The following PKIB variants were observed in gnomAD, a reference collection of about 807,000 sequenced individuals.
The protein encoded by PKIB is PKI-beta.
A neutral mutation model predicts 4.5 loss-of-function variants in PKIB; 2 were observed. The ratio of observed to expected loss-of-function variants is 0.44; its 90% confidence interval spans 0.18 to 1.39. The LOEUF (loss-of-function observed/expected upper bound fraction) is 1.39, where lower values mean the gene tolerates loss of function less well. Among genes scored for constraint, PKIB ranks in the 40% most tolerant of loss-of-function variants. PKIB has a pLI of 0.27. For synonymous variants in PKIB, 38 were observed against 36.0 expected, an observed-to-expected ratio of 1.06 and a Z score of -0.20; for missense variants, 94 against 92.6, an observed-to-expected ratio of 1.02 and a Z score of -0.06.
intron 2 of PKIB, chr6:122,481,295 G>T (rs1403241422): frequency 6.6e-6 from 1 of 152,108 alleles, no homozygotes. Context: ...CAACATAAAT[G>T]GCCTGTACTT....
intron 2 of PKIB, among the ~76,000 whole-genome samples, chr6:122,526,296 G>A (rs1025828807): frequency 4.6e-5 from 7 of 151,984 alleles, no homozygotes; most frequent in East Asian, 3.9e-4. Flanking sequence ...AACTCTTCCC[G>A]TGAATTACAA....
At chr6:122,576,668 C>CAA (rs71867898) in intron 2 of PKIB, among the ~76,000 whole-genome samples, 460 of 11,998 alleles carry the variant, frequency 0.038, 28 homozygotes, top group Non-Finnish European at 0.04. Context: ...GACTCCATCT[C>CAA]AAAAAAAAAA....
At chr6:122,556,458 T>C (rs76173054) in intron 2 of PKIB, among the ~76,000 whole-genome samples, 2,135 of 152,310 alleles carry the variant, frequency 0.014, 24 homozygotes, top group Middle Eastern at 0.024. Flanking sequence ...ACAAACTTCT[T>C]ACTTGGACAT....
chr6:122,542,210 G>A (rs1191998089), intron 2 of PKIB, among the ~76,000 whole-genome samples: 1 of 152,038 alleles, frequency 6.6e-6, no homozygotes, highest in African/African-American at 2.4e-5. Flanking sequence ...GTCCAGCTTT[G>A]TTCTGTTGCT....
intron 1 of PKIB, among the ~76,000 whole-genome samples, chr6:122,618,994 A>G (rs1775103962): frequency 6.6e-6 from 1 of 152,154 alleles, no homozygotes; most frequent in South Asian, 2.1e-4. Flanking sequence ...GTGGGAAAAT[A>G]TAGCTACATT....
intron 3 of PKIB, among the ~76,000 whole-genome samples, chr6:122,695,962 G>A (rs907708405): frequency 1.3e-5 from 2 of 151,982 alleles, no homozygotes; most frequent in African/African-American, 4.8e-5. Context: ...CCTAGCTAAG[G>A]GCCCAATTAA....
At chr6:122,474,334 A>T (rs1172264914) in intron 1 of PKIB, among the ~76,000 whole-genome samples, 1 of 152,224 alleles carries the variant, frequency 6.6e-6, no homozygotes, top group East Asian at 1.9e-4. Context: ...CTGATGTTGC[A>T]TATTAGCATG....
At chr6:122,677,767 C>A (rs1348944462) in intron 3 of PKIB, among the ~76,000 whole-genome samples, 1 of 152,200 alleles carries the variant, frequency 6.6e-6, no homozygotes, top group East Asian at 1.9e-4. Flanking sequence ...AGCTTAGTTT[C>A]ATTTCTGTCA....
upstream of PKIB, chr6:122,610,260 G>A (rs1443865057): frequency 6.6e-6 from 1 of 152,280 alleles, no homozygotes; most frequent in African/African-American, 2.4e-5. Flanking sequence ...ACGTGCCCCG[G>A]GGAGTGATGC....
intron 2 of PKIB, among the ~76,000 whole-genome samples, chr6:122,583,531 G>A (rs560716294): frequency 3.0e-4 from 45 of 152,088 alleles, no homozygotes; most frequent in African/African-American, 9.6e-4. Context: ...GCTGTTCCAC[G>A]AAATTTTTGC....
chr6:122,704,613 C>T (rs1201339046), intron 3 of PKIB, among the ~76,000 whole-genome samples: 2 of 151,900 alleles, frequency 1.3e-5, no homozygotes, highest in Admixed American at 6.6e-5. Flanking sequence ...GGAAATATAA[C>T]GGTATGATGG....
chr6:122,609,437 A>G (rs1445475567), upstream of PKIB, among the ~76,000 whole-genome samples: 1 of 152,030 alleles, frequency 6.6e-6, no homozygotes, highest in Non-Finnish European at 1.5e-5. Context: ...TACCATTAGC[A>G]CACACTGAAT....
chr6:122,620,036 CA>C (rs772639763), intron 1 of PKIB, among the ~76,000 whole-genome samples: 4 of 152,148 alleles, frequency 2.6e-5, no homozygotes, highest in South Asian at 2.1e-4. Flanking sequence ...TTTATAATCT[CA>C]GAGTAGTAGA....
At chr6:122,521,634 C>T (rs1167055569) in intron 2 of PKIB, among the ~76,000 whole-genome samples, 1 of 152,038 alleles carries the variant, frequency 6.6e-6, no homozygotes, top group Non-Finnish European at 1.5e-5. Flanking sequence ...GAGCTGAGAT[C>T]AGGCCACTGC....
chr6:122,503,989 C>T (rs904119303), intron 2 of PKIB, among the ~76,000 whole-genome samples: 4 of 152,248 alleles, frequency 2.6e-5, no homozygotes, highest in African/African-American at 9.6e-5. Context: ...ATGAAAGTTT[C>T]CCCAAGGATT....
At chr6:122,533,519 T>C (rs1777322262) in intron 2 of PKIB, among the ~76,000 whole-genome samples, 1 of 152,302 alleles carries the variant, frequency 6.6e-6, no homozygotes, top group Admixed American at 6.5e-5. Context: ...AATAAGTACT[T>C]GGCAAAGAAA....
rs138191959 is a variant in PKIB at position 122,693,623 on chromosome 6, A to G, written c.-9+18479A>G. On this transcript the variant is annotated intron_variant, in intron 3 of 4. Coordinates refer to ENST00000368452, the MANE Select transcript of PKIB (RefSeq NM_181795.3). ...ACACTTTTATGAAGTTTGATAACAT[A>G]CACTTTCTCTCCCCATAGACAGGAT... 3.5e-3 allele frequency among the ~76,000 whole-genome samples: 532 copies of G among 152,370 alleles called. 4 individuals carry two copies. The highest frequency in any genetic ancestry group is 0.011 in the African/African-American group (453 of 41,598).
At chr6:122,622,813 T>C (rs1358216372) in intron 1 of PKIB, among the ~76,000 whole-genome samples, 3 of 149,210 alleles carry the variant, frequency 2.0e-5, no homozygotes, top group Non-Finnish European at 4.6e-5. Context: ...TCAGAGAAGA[T>C]AACTTATGTT....
chr6:122,576,685 A>ATATATATAT, intron 2 of PKIB, among the ~76,000 whole-genome samples: 1 of 36,306 alleles, frequency 2.8e-5, no homozygotes, highest in Admixed American at 3.3e-4. Flanking sequence ...AAAAAAAAAA[A>ATATATATAT]AAAAATATAT....
Sources: gnomAD v4.1 joint callset for allele counts (sites outside exome capture counted in the v4.1 genomes callset) on GRCh38, gnomAD v4.1.1 for gene constraint, MANE v1.5 for transcripts, NCBI Gene and HGNC (gene_info 2026-07-23, HGNC 2026-07-21) for gene names.